RASSF8: variants seen among roughly 807,000 people sequenced by gnomAD.
RASSF8 encodes Ras association domain family member 8, also known as ras association domain-containing protein 8.
In RASSF8, 22 loss-of-function variants were observed where a neutral mutation model predicts 48.5. That is an observed-to-expected ratio of 0.45 (90% confidence interval 0.32 to 0.65). The LOEUF (loss-of-function observed/expected upper bound fraction) is 0.65. Ranked by LOEUF, RASSF8 falls within the 30% of genes least tolerant of loss-of-function variation. The pLI, the probability that RASSF8 is intolerant of heterozygous loss-of-function variation, is 0.03. For synonymous variants in RASSF8, 127 were observed against 171.5 expected, an observed-to-expected ratio of 0.74 and a Z score of 2.03; for missense variants, 418 against 489.2, an observed-to-expected ratio of 0.85 and a Z score of 1.37.
Position 26,070,595 on chromosome 12 carries a change from A to C in RASSF8, c.*1777A>C. 4.2e-6 allele frequency: 4 copies of C among 963,712 alleles called. No individual in the cohort carries two copies. Among genetic ancestry groups the C allele is most frequent in the Non-Finnish European group, 4.9e-6 (4 of 810,242 alleles). The allele number at this position is 963,712 out of a possible 1,614,324, so 59.7% of individuals were successfully genotyped here. On this transcript the variant is annotated 3_prime_UTR_variant, in exon 6 of 6. Transcript: ENST00000689635. ...TCACAATTTATAGTAGTTATTTTCT[A>C]TCTACCTATATTTAAAATTAGGATG...
chr12:26,050,215 T>A (rs942452584), intron 2 of RASSF8, among the ~76,000 whole-genome samples: 2 of 152,250 alleles, frequency 1.3e-5, no homozygotes, highest in African/African-American at 4.8e-5. Flanking sequence ...TGCTTACAAT[T>A]TTTGAATGTG....
In RASSF8 at chr12:26,067,579, A is replaced by G. The variant is rs1325588318; in HGVS notation, c.1004A>G (p.Gln335Arg). Residue 335 changes from glutamine to arginine, a missense_variant, in exon 5 of 6, where the codon CAG becomes CGG. Coordinates refer to ENST00000689635, the MANE Select transcript of RASSF8 (RefSeq NM_001394098.1). ...QATKRLQDKE[Q>R]ELEQLTKELR... ...ATAATTTCCATCTAGGACAAAGAAC[A>G]GGAACTGGAGCAGTTGACTAAGGAG... The G allele has an allele frequency of 1.2e-5, 19 of 1,613,310 alleles. No homozygotes were observed. Among genetic ancestry groups the G allele is most frequent in the African/African-American group, 2.7e-5 (2 of 74,890 alleles).
At chr12:26,074,410 T>A (rs1944052528), downstream of RASSF8, among the ~76,000 whole-genome samples, 1 of 152,146 alleles carries the variant, frequency 6.6e-6, no homozygotes, top group Non-Finnish European at 1.5e-5. Flanking sequence ...TGGCCTGATC[T>A]CGGCTCACTG....
chr12:26,000,797 T>C (rs977405419), intron 2 of RASSF8, among the ~76,000 whole-genome samples: 1 of 152,106 alleles, frequency 6.6e-6, no homozygotes, highest in Admixed American at 6.6e-5. Flanking sequence ...AGAAATACTG[T>C]ATAAAAGATT....
intron 3 of RASSF8, among the ~76,000 whole-genome samples, chr12:26,060,267 C>T (rs966729649): frequency 6.6e-6 from 1 of 152,132 alleles, no homozygotes; most frequent in African/African-American, 2.4e-5. Flanking sequence ...TCTGTGATTA[C>T]ATGATATACA....
intron 2 of RASSF8, among the ~76,000 whole-genome samples, chr12:25,995,572 A>G (rs760706021): frequency 1.3e-5 from 2 of 152,194 alleles, no homozygotes; most frequent in African/African-American, 4.8e-5. Context: ...ACTTTTCTCT[A>G]TAATAATCTT....
rs542980704 is a variant in RASSF8, at chr12:25,968,669, A to C, written c.-203+9521A>C. 6.6e-5 allele frequency among the ~76,000 whole-genome samples: 10 copies of C among 152,328 alleles called. No individual in the cohort carries two copies. In the South Asian group the frequency reaches 2.1e-3, roughly 32 times the overall value. The stretch of plus-strand genomic sequence containing the variant: ...TGTTTGTTCATCCTTTTAGTTGTTC[A>C]TTCAAAGCCAAACTGCATGCCCCTC... On this transcript the variant is annotated intron_variant, in intron 1 of 5. Transcript: ENST00000689635.
chr12:26,049,658 C>A (rs1390325), intron 2 of RASSF8, among the ~76,000 whole-genome samples: 128,644 of 152,248 alleles, frequency 0.84, 54,463 homozygotes, highest in East Asian at 0.99. Context: ...CTATCTGGAG[C>A]TGGGCTTTTA....
chr12:25,964,911 ATTTC>A (rs1442404122), intron 1 of RASSF8, among the ~76,000 whole-genome samples: 1 of 152,006 alleles, frequency 6.6e-6, no homozygotes, highest in African/African-American at 2.4e-5. Context: ...CTTCCCTTAT[ATTTC>A]TTTTTTTAAA....
At chr12:26,018,958 C>T (rs1362716887) in intron 2 of RASSF8, among the ~76,000 whole-genome samples, 1 of 152,176 alleles carries the variant, frequency 6.6e-6, no homozygotes, top group Non-Finnish European at 1.5e-5. Flanking sequence ...TTGACTTCCA[C>T]CTGGCTTGGT....
chr12:26,067,341 A>G (rs1185903722), intron 4 of RASSF8, among the ~76,000 whole-genome samples: 1 of 152,244 alleles, frequency 6.6e-6, no homozygotes, highest in Non-Finnish European at 1.5e-5. Flanking sequence ...TTAAGAGGAC[A>G]GACTAATGAA....
At chr12:26,066,576 T>A (rs961652276) in intron 4 of RASSF8, among the ~76,000 whole-genome samples, 11 of 152,112 alleles carry the variant, frequency 7.2e-5, no homozygotes, top group Non-Finnish European at 1.6e-4. Flanking sequence ...TTTTGACATT[T>A]AAAAAAAGGT....
Position 26,071,935 on chromosome 12 carries a change from C to T in RASSF8, c.*3117C>T. 1 of 985,344 alleles carries T rather than the reference C, an allele frequency of 1.0e-6. No individual in the cohort carries two copies. Among genetic ancestry groups the T allele is most frequent in the Non-Finnish European group, 1.2e-6 (1 of 829,866 alleles). 61.0% of individuals were successfully genotyped at this position (985,344 alleles called of 1,614,324 possible). On this transcript the variant is annotated 3_prime_UTR_variant, in exon 6 of 6. Transcript: ENST00000689635. ...CATCTGCATTAAAGGATAATTTTCT[C>T]TGTGAATAAGAGCAAAATGGTCTTC...
intron 2 of RASSF8, chr12:26,020,006 A>G (rs981472978): frequency 3.3e-5 from 5 of 152,188 alleles, no homozygotes; most frequent in Admixed American, 6.5e-5. Context: ...GTTAAGGATC[A>G]CATTTGGTGT....
In RASSF8 at chr12:26,005,852, G is replaced by A. The variant is rs559598436; in HGVS notation, c.-109+10722G>A. ...CTCCTTAGAAATTTTAGAAAAACTT[G>A]TCTTGAACCTCCAATTTCAATACTT... On this transcript the variant is annotated intron_variant, in intron 2 of 5. Transcript: ENST00000689635. Among the ~76,000 whole-genome samples the A allele has an allele frequency of 9.9e-5, 15 of 152,264 alleles. No individual in the cohort carries two copies. The South Asian group carries it at 1.9e-3, about 19-fold the overall frequency.
chr12:26,013,727 A>C (rs766281421), intron 2 of RASSF8, among the ~76,000 whole-genome samples: 1 of 152,154 alleles, frequency 6.6e-6, no homozygotes, highest in Non-Finnish European at 1.5e-5. Context: ...ACTAGCTTTA[A>C]ATTTTTAAAG....
intron 1 of RASSF8, among the ~76,000 whole-genome samples, chr12:25,984,340 A>G (rs1941820794): frequency 6.6e-6 from 1 of 150,628 alleles, no homozygotes; most frequent in African/African-American, 2.4e-5. Context: ...CAGCCTTCCA[A>G]AGTGGTGGGA....
Position 26,063,390 on chromosome 12 carries a change from GTGTT to G in RASSF8, c.104-1098_104-1095del, listed in dbSNP as rs937279042. On this transcript the variant is annotated intron_variant, in intron 3 of 5. Transcript: ENST00000689635. ...TCAATGTATATGTGATTGTATTCTG[GTGTT>G]TGTTTGTTTTGTTTTTTTTTTGAGA... Among the ~76,000 whole-genome samples, 11 of 151,594 alleles carry G rather than the reference GTGTT, an allele frequency of 7.3e-5. 1 individual carries two copies. The highest frequency in any genetic ancestry group is 2.2e-4 in the African/African-American group (9 of 41,344).
At chr12:26,058,965 T>A (rs1943678171) in intron 3 of RASSF8, among the ~76,000 whole-genome samples, 2 of 152,228 alleles carry the variant, frequency 1.3e-5, no homozygotes, top group Admixed American at 1.3e-4. Flanking sequence ...AGTTTGTCAC[T>A]GTACACCCTG....
Sources: gnomAD v4.1 joint callset for allele counts (sites outside exome capture counted in the v4.1 genomes callset) on GRCh38, gnomAD v4.1.1 for gene constraint, MANE v1.5 for transcripts, NCBI Gene and HGNC (gene_info 2026-07-23, HGNC 2026-07-21) for gene names.